CLSTN2: variants seen among roughly 807,000 people sequenced by gnomAD.
CLSTN2 encodes the protein calsyntenin 2.
CLSTN2 carries 48 observed loss-of-function variants against 101.2 expected under a neutral mutation model. The ratio of observed to expected loss-of-function variants is 0.47; its 90% CI spans 0.38 to 0.60. CLSTN2 has a LOEUF of 0.60. CLSTN2 is among the 20% of genes least tolerant of loss of function. The pLI, the probability that CLSTN2 is intolerant of heterozygous loss-of-function variation, is 0.00. For synonymous variants in CLSTN2, 481 were observed against 463.6 expected (o/e 1.04, Z -0.48); for missense variants, 1,160 against 1,238.2 (o/e 0.94, Z 0.95).
chr3:139,951,650 G>C (rs1395875361), intron 1 of CLSTN2, among the ~76,000 whole-genome samples: 4 of 152,156 alleles, frequency 2.6e-5, no homozygotes, highest in Non-Finnish European at 5.9e-5. Context: ...AAGTTTAAAA[G>C]TGAACTGGAC....
At chr3:140,543,313 A>T (rs1179498065) in intron 9 of CLSTN2, among the ~76,000 whole-genome samples, 1 of 152,176 alleles carries the variant, frequency 6.6e-6, no homozygotes, top group Non-Finnish European at 1.5e-5. Context: ...TAATGGCTTG[A>T]AGGAGTACTT....
Position 140,287,032 on chromosome 3 carries a change from A to G in CLSTN2, c.232+110959A>G, listed in dbSNP as rs544344222. ...TGAAGGGCTTTAAGAGCCCAGCTCA[A>G]GGGTCAGCATCATGCATCAAAGTAG... On this transcript the variant is annotated intron_variant, in intron 2 of 16. Coordinates refer to ENST00000458420, the MANE Select transcript of CLSTN2 (RefSeq NM_022131.3). Among the ~76,000 whole-genome samples the G allele has an allele frequency of 2.6e-5, 4 of 152,332 alleles. No homozygotes were observed. The South Asian group carries it at 8.3e-4, about 32-fold the overall frequency.
At chr3:140,327,857 A>G (rs1233110621) in intron 2 of CLSTN2, among the ~76,000 whole-genome samples, 4 of 152,230 alleles carry the variant, frequency 2.6e-5, no homozygotes, top group African/African-American at 9.6e-5. Context: ...TAGTTGTCAG[A>G]TATACTTAGC....
chr3:140,180,220 G>C (rs990964625), intron 2 of CLSTN2, among the ~76,000 whole-genome samples: 1 of 152,338 alleles, frequency 6.6e-6, no homozygotes, highest in South Asian at 2.1e-4. Context: ...CTAACTCAGA[G>C]ACGCTAAGCA....
chr3:140,246,062 C>A (rs565451474), intron 2 of CLSTN2, among the ~76,000 whole-genome samples: 1 of 152,128 alleles, frequency 6.6e-6, no homozygotes, highest in Non-Finnish European at 1.5e-5. Context: ...TGTAAAAATG[C>A]GTTTACGTTG....
chr3:140,558,558 G>T, intron 11 of CLSTN2, 82 bp from the exon 12 acceptor site: 2 of 1,130,178 alleles, frequency 1.8e-6, no homozygotes, highest in Non-Finnish European at 2.6e-6. Flanking sequence ...AGAACTGGAG[G>T]TGGCAACCCC....
chr3:140,153,101 G>A (rs1478161374), intron 1 of CLSTN2, among the ~76,000 whole-genome samples: 1 of 152,206 alleles, frequency 6.6e-6, no homozygotes, highest in Non-Finnish European at 1.5e-5. Flanking sequence ...TTAAACTCCA[G>A]TGGAGAAAAG....
At chr3:140,537,562 G>C (rs1439642549) in intron 9 of CLSTN2, among the ~76,000 whole-genome samples, 1 of 152,142 alleles carries the variant, frequency 6.6e-6, no homozygotes, top group African/African-American at 2.4e-5. Context: ...TATCATTTCT[G>C]TGTCCAGGAT....
At chr3:139,991,594 C>G (rs113048635) in intron 1 of CLSTN2, among the ~76,000 whole-genome samples, 1 of 152,164 alleles carries the variant, frequency 6.6e-6, no homozygotes, top group Non-Finnish European at 1.5e-5. Context: ...AGGCTGCTAC[C>G]GAGTTGCTGA....
chr3:140,357,408 T>C (rs984764067), intron 2 of CLSTN2, among the ~76,000 whole-genome samples: 2 of 152,006 alleles, frequency 1.3e-5, no homozygotes, highest in Non-Finnish European at 2.9e-5. Context: ...CAGAGCCACA[T>C]CCACAGACAC....
intron 8 of CLSTN2, among the ~76,000 whole-genome samples, chr3:140,474,111 T>C (rs1280283049): frequency 6.6e-6 from 1 of 152,130 alleles, no homozygotes; most frequent in Non-Finnish European, 1.5e-5. Flanking sequence ...TTTGTGGTAA[T>C]TTGTTACAGC....
At chr3:140,178,295 AT>A (rs1216250184) in intron 2 of CLSTN2, among the ~76,000 whole-genome samples, 2 of 152,196 alleles carry the variant, frequency 1.3e-5, no homozygotes, top group Non-Finnish European at 2.9e-5. Flanking sequence ...ACAAAAGGTT[AT>A]TTAAGTTTGT....
intron 2 of CLSTN2, among the ~76,000 whole-genome samples, chr3:140,222,197 T>C (rs1386814557): frequency 1.3e-5 from 2 of 152,138 alleles, no homozygotes; most frequent in African/African-American, 4.8e-5. Flanking sequence ...GTCATTATGT[T>C]AAATGAAACA....
At chr3:139,971,539 G>T (rs1935703892) in intron 1 of CLSTN2, among the ~76,000 whole-genome samples, 1 of 152,204 alleles carries the variant, frequency 6.6e-6, no homozygotes, top group Non-Finnish European at 1.5e-5. Context: ...CCTGGAGGAG[G>T]TATGGCCTGA....
intron 2 of CLSTN2, among the ~76,000 whole-genome samples, chr3:140,226,881 G>A (rs115700017): frequency 0.02 from 3,096 of 152,230 alleles, 39 homozygotes; most frequent in Middle Eastern, 0.037. Context: ...ATCAGATTTT[G>A]TGAGACTCTT....
At chr3:140,143,639 T>C (rs1288795281) in intron 1 of CLSTN2, among the ~76,000 whole-genome samples, 2 of 152,180 alleles carry the variant, frequency 1.3e-5, no homozygotes, top group African/African-American at 4.8e-5. Context: ...TTCTCTCTGT[T>C]GTGGAGGGAT....
At chr3:140,492,330 CAT>C (rs1446192403) in intron 8 of CLSTN2, among the ~76,000 whole-genome samples, 1 of 152,098 alleles carries the variant, frequency 6.6e-6, no homozygotes, top group African/African-American at 2.4e-5. Flanking sequence ...CCGAAAAATA[CAT>C]GTGTTTATTA....
intron 5 of CLSTN2, among the ~76,000 whole-genome samples, chr3:140,448,209 CTGTGTG>C (rs55857773): frequency 0.065 from 9,684 of 148,262 alleles, 1,059 homozygotes; most frequent in African/African-American, 0.23. Flanking sequence ...GAGGGTGTGA[CTGTGTG>C]TGTGTGTGTG....
intron 1 of CLSTN2, among the ~76,000 whole-genome samples, chr3:140,145,075 G>T (rs1253872589): frequency 1.3e-5 from 2 of 152,202 alleles, no homozygotes; most frequent in Non-Finnish European, 2.9e-5. Context: ...CCCATACTGT[G>T]ATTTCTTTTA....
Sources: allele counts gnomAD v4.1 joint callset (sites outside exome capture counted in the v4.1 genomes callset), GRCh38; gene constraint gnomAD v4.1.1; transcripts MANE v1.5; gene names NCBI Gene and HGNC (gene_info 2026-07-23, HGNC 2026-07-21).